The following GRB14 variants were observed in gnomAD, a reference collection of about 807,000 sequenced individuals.
GRB14 encodes the protein growth factor receptor bound protein 14.
A neutral mutation model predicts 69.1 loss-of-function variants in GRB14; 38 were observed. The ratio of observed to expected loss-of-function variants is 0.55; its 90% CI spans 0.42 to 0.72. The LOEUF is 0.72. GRB14 is among the 30% of genes least tolerant of loss of function. GRB14 has a pLI of 0.00. For missense variants in GRB14, 666 were observed against 666.1 expected, an observed-to-expected ratio of 1.00 and a Z score of 0.00; for synonymous variants, 247 against 241.3, an observed-to-expected ratio of 1.02 and a Z score of -0.22.
At chr2:164,535,202 G>A (rs963825587) in intron 3 of GRB14, among the ~76,000 whole-genome samples, 1 of 151,870 alleles carries the variant, frequency 6.6e-6, no homozygotes, top group Non-Finnish European at 1.5e-5. Context: ...GGTCAGTGAG[G>A]TCTTATGGTA....
chr2:164,582,478 G>A (rs184483169), intron 2 of GRB14, among the ~76,000 whole-genome samples: 128 of 149,944 alleles, frequency 8.5e-4, no homozygotes, highest in African/African-American at 3.0e-3. Context: ...CTGGAGTGCA[G>A]TAGTGCAATC....
rs764125178 is a variant in GRB14 at position 164,508,437 on chromosome 2, T to C, written c.1023+18A>G. ...ACTCACAGCAGTTAATAGAAATTCA[T>C]GCCTCCGGCGAGATTACCTTAAGCA... is the stretch of plus-strand genomic sequence containing the variant. On this transcript the variant is annotated intron_variant, in intron 8 of 13. Transcript: ENST00000263915. The C allele has an allele frequency of 6.2e-7, 1 of 1,600,520 alleles. No individual in the cohort carries two copies. Among genetic ancestry groups the C allele is most frequent in the African/African-American group, 1.3e-5 (1 of 74,790 alleles).
chr2:164,514,111 C>A (rs1470514543), intron 6 of GRB14, among the ~76,000 whole-genome samples: 4 of 152,212 alleles, frequency 2.6e-5, no homozygotes. Context: ...TCCCTGATGA[C>A]AGCATCATAA....
At chr2:164,595,560 CA>C (rs2105348705) in intron 2 of GRB14, among the ~76,000 whole-genome samples, 1 of 152,236 alleles carries the variant, frequency 6.6e-6, no homozygotes, top group Admixed American at 6.5e-5. Flanking sequence ...GGAAGGCTAT[CA>C]GGAGTCAGAT....
intron 2 of GRB14, among the ~76,000 whole-genome samples, chr2:164,605,359 A>C (rs1690018335): frequency 6.6e-6 from 1 of 152,114 alleles, no homozygotes; most frequent in African/African-American, 2.4e-5. Context: ...GTTTAAGAGG[A>C]AGAGTATTCA....
intron 2 of GRB14, among the ~76,000 whole-genome samples, chr2:164,576,910 A>C (rs1404136127): frequency 1.3e-5 from 2 of 151,994 alleles, no homozygotes; most frequent in Non-Finnish European, 2.9e-5. Context: ...ACTGAAACAA[A>C]TCTAGGGGGA....
chr2:164,560,671 T>C (rs1272018263), intron 2 of GRB14, among the ~76,000 whole-genome samples: 1 of 152,092 alleles, frequency 6.6e-6, no homozygotes, highest in Non-Finnish European at 1.5e-5. Context: ...TTCGCTGGGA[T>C]TTCGAACAGT....
At chr2:164,549,357 A>G (rs1688467041) in intron 2 of GRB14, among the ~76,000 whole-genome samples, 1 of 152,186 alleles carries the variant, frequency 6.6e-6, no homozygotes, top group African/African-American at 2.4e-5. Context: ...AAGTCAGCAA[A>G]GATTAATCAG....
At chr2:164,505,879 T>A (rs1303683783) in intron 8 of GRB14, among the ~76,000 whole-genome samples, 1 of 152,180 alleles carries the variant, frequency 6.6e-6, no homozygotes, top group African/African-American at 2.4e-5. Flanking sequence ...ATAAAAATAG[T>A]GATGTCTCCT....
intron 9 of GRB14, among the ~76,000 whole-genome samples, chr2:164,499,502 C>A (rs561121508): frequency 6.6e-6 from 1 of 152,220 alleles, no homozygotes; most frequent in East Asian, 1.9e-4. Flanking sequence ...AGATCAATTT[C>A]TTTCACATAG....
At chr2:164,608,777 T>G (rs1443225061) in intron 2 of GRB14, among the ~76,000 whole-genome samples, 1 of 152,136 alleles carries the variant, frequency 6.6e-6, no homozygotes, top group Non-Finnish European at 1.5e-5. Flanking sequence ...TTAAATGTAG[T>G]AGTCACCATG....
At chr2:164,498,956 C>A (rs1178954682) in intron 9 of GRB14, among the ~76,000 whole-genome samples, 2 of 152,104 alleles carry the variant, frequency 1.3e-5, no homozygotes, top group African/African-American at 4.8e-5. Context: ...CACACAGATG[C>A]TGTCTCTGTA....
At chr2:164,517,156 G>A (rs1307289090) in intron 6 of GRB14, among the ~76,000 whole-genome samples, 1 of 152,152 alleles carries the variant, frequency 6.6e-6, no homozygotes, top group Non-Finnish European at 1.5e-5. Context: ...AGCAGAAGGT[G>A]AAAGGCACAT....
intron 2 of GRB14, among the ~76,000 whole-genome samples, chr2:164,593,337 A>G (rs1468743460): frequency 1.3e-5 from 2 of 152,210 alleles, no homozygotes; most frequent in African/African-American, 4.8e-5. Flanking sequence ...TCAAGTAAAT[A>G]AATGAATGAA....
chr2:164,578,690 TGA>T (rs1198674746), intron 2 of GRB14, among the ~76,000 whole-genome samples: 1 of 152,162 alleles, frequency 6.6e-6, no homozygotes, highest in Non-Finnish European at 1.5e-5. Flanking sequence ...AAGTGTCAAG[TGA>T]GAGAGTGGTA....
chr2:164,581,749 G>C lies in GRB14; in HGVS notation c.325-33933C>G, dbSNP rs150984509. On this transcript the variant is annotated intron_variant, in intron 2 of 13. Coordinates refer to ENST00000263915, the MANE Select transcript of GRB14 (RefSeq NM_004490.3). Reference sequence around the variant, plus strand: ...ATAATATATGCCTATTTCCTTCCCAGCTTCTTAGAAGTTCTATATTATGAT... The same window carrying C: ...ATAATATATGCCTATTTCCTTCCCACCTTCTTAGAAGTTCTATATTATGAT... Among the ~76,000 whole-genome samples, 98 of 152,278 alleles carry C rather than the reference G, an allele frequency of 6.4e-4. 2 individuals are homozygous for C. In the East Asian group the frequency reaches 0.018, roughly 27 times the overall value.
intron 8 of GRB14, among the ~76,000 whole-genome samples, chr2:164,506,809 A>C (rs1574250303): frequency 6.6e-6 from 1 of 152,172 alleles, no homozygotes; most frequent in Non-Finnish European, 1.5e-5. Flanking sequence ...AAAAGGAATA[A>C]AGAGCTAACA....
intron 11 of GRB14, 48 bp from the exon 12 acceptor site, chr2:164,497,143 C>T (rs776626001): frequency 6.3e-7 from 1 of 1,595,138 alleles, no homozygotes; most frequent in South Asian, 1.1e-5. Flanking sequence ...GAGATGACTG[C>T]AATTTCATTA....
intron 2 of GRB14, among the ~76,000 whole-genome samples, chr2:164,616,144 G>A (rs553448748): frequency 1.4e-4 from 21 of 152,150 alleles, no homozygotes; most frequent in South Asian, 8.3e-4. Flanking sequence ...ATGAATTCTC[G>A]CGGGGCACAG....
Sources: gnomAD v4.1 joint callset for allele counts (sites outside exome capture counted in the v4.1 genomes callset) on GRCh38, gnomAD v4.1.1 for gene constraint, MANE v1.5 for transcripts, NCBI Gene and HGNC (gene_info 2026-07-23, HGNC 2026-07-21) for gene names.